C18orf54: variants seen among roughly 807,000 people sequenced by gnomAD.
C18orf54 encodes the protein lung adenoma susceptibility protein 2.
A neutral mutation model predicts 49.3 loss-of-function variants in C18orf54; 49 were observed. The observed-to-expected ratio is 0.99, with a 90% CI of 0.79 to 1.26. C18orf54 has a LOEUF of 1.26. C18orf54 is among the 50% of genes most tolerant of loss of function. C18orf54 has a pLI of 0.00. For synonymous variants in C18orf54, 211 were observed against 216.6 expected (o/e 0.97, Z 0.23); for missense variants, 687 against 620.6 (o/e 1.11, Z -1.14).
In C18orf54 at chr18:54,361,031, T is replaced by G. The variant is rs113962319; in HGVS notation, c.283+176T>G. 3.6e-3 allele frequency among the ~76,000 whole-genome samples: 553 copies of G among 152,346 alleles called. 6 individuals are homozygous for G. Among genetic ancestry groups the G allele is most frequent in the African/African-American group, 0.012 (501 of 41,588 alleles). On this transcript the variant is annotated intron_variant, in intron 3 of 8. Transcript: ENST00000620105. The stretch of plus-strand genomic sequence containing the variant: ...TATAATTCTCTGTGGAACAGTAATA[T>G]TCACAAGATGTTAAGAGTTTGTCCA...
chr18:54,361,251 G>C (rs545967991), intron 3 of C18orf54, among the ~76,000 whole-genome samples: 14 of 152,238 alleles, frequency 9.2e-5, no homozygotes, highest in Admixed American at 2.6e-4. Flanking sequence ...CCATTGAAGG[G>C]TTTGTAGGTG....
intron 6 of C18orf54, among the ~76,000 whole-genome samples, chr18:54,370,770 A>G (rs1373841470): frequency 2.0e-5 from 3 of 152,170 alleles, no homozygotes; most frequent in South Asian, 2.1e-4. Flanking sequence ...ATGAAAAGTC[A>G]CTTAGCTCAG....
rs747257739 is a variant in C18orf54, at chr18:54,361,712, T to C, written c.353T>C (p.Ile118Thr). 2 of 1,614,000 alleles carry C rather than the reference T, an allele frequency of 1.2e-6. No individual in the cohort carries two copies. Among genetic ancestry groups the C allele is most frequent in the African/African-American group, 1.3e-5 (1 of 75,034 alleles). Residue 118 changes from isoleucine (I) to threonine (T), a missense_variant, in exon 4 of 9, where the codon ATA becomes ACA. Ile to Thr is a moderately conservative substitution (Grantham distance 89, BLOSUM62 -1). Transcript: ENST00000620105. ...TGTAGAAGACACACCGTTAATGACA[T>C]AGACTCCATGAGCCTAACAACTGAT... ...ISCRRHTVND[I>T]DSMSLTTDDL...
At chr18:54,363,832 G>A (rs1050074684) in intron 5 of C18orf54, 1 of 149,974 alleles carries the variant, frequency 6.7e-6, no homozygotes, top group African/African-American at 2.5e-5. Flanking sequence ...TTTATTCTCA[G>A]TTGATTGTCT....
intron 6 of C18orf54, among the ~76,000 whole-genome samples, chr18:54,371,663 A>G (rs2089488305): frequency 6.6e-6 from 1 of 152,244 alleles, no homozygotes; most frequent in Admixed American, 6.5e-5. Context: ...CTTTTTAACC[A>G]TACTGCTTAC....
rs553155871 is a variant in C18orf54 at position 54,368,584 on chromosome 18, A to T, written c.1326+2763A>T. On this transcript the variant is annotated intron_variant, in intron 6 of 8. Coordinates refer to ENST00000620105, the MANE Select transcript of C18orf54 (RefSeq NM_001288980.2). ...AGTTAATGCAGTAATAGTAATATAT[A>T]ATAAAGATATAATATGTAAAAACTG... Among the ~76,000 whole-genome samples the T allele has an allele frequency of 1.4e-3, 212 of 152,118 alleles. 1 individual carries two copies. Among genetic ancestry groups the T allele is most frequent in the African/African-American group, 4.9e-3 (205 of 41,538 alleles).
Position 54,361,923 on chromosome 18 carries a change from C to G in C18orf54, c.564C>G (p.Arg188=), listed in dbSNP as rs192378063. Residue 188 remains arginine (R), a synonymous_variant, in exon 4 of 9, where the codon CGC becomes CGG. Coordinates refer to ENST00000620105, the MANE Select transcript of C18orf54 (RefSeq NM_001288980.2). The part of the protein sequence containing the change: ...GKDNFVTPVI[R]SNINGKQCGR... Reference sequence around the variant, plus strand: ...ATAACTTTGTTACTCCTGTTATACGCTCAAATATAAATGGAAAGCAATGTG... The same window carrying G: ...ATAACTTTGTTACTCCTGTTATACGGTCAAATATAAATGGAAAGCAATGTG... 1 of 1,614,118 alleles carries G rather than the reference C, an allele frequency of 6.2e-7. No individual in the cohort carries two copies. The highest frequency in any genetic ancestry group is 2.2e-5 in the East Asian group (1 of 44,870).
chr18:54,371,100 T>C (rs2089479500), intron 6 of C18orf54, among the ~76,000 whole-genome samples: 1 of 152,126 alleles, frequency 6.6e-6, no homozygotes, highest in South Asian at 2.1e-4. Flanking sequence ...CACCAGAACT[T>C]TATCTTCTCA....
rs551773905 is a variant in C18orf54 at position 54,378,003 on chromosome 18, A to G, written c.1530-171A>G. 2.9e-3 allele frequency among the ~76,000 whole-genome samples: 448 copies of G among 152,304 alleles called. 3 individuals are homozygous for G. Among genetic ancestry groups the G allele is most frequent in the African/African-American group, 5.6e-3 (233 of 41,576 alleles). ...TTTAGATAAATTATTTTAACCCTCA[A>G]TTATTCAGATCTCAAGGTTTTATAA... On this transcript the variant is annotated intron_variant, in intron 8 of 8. Transcript: ENST00000620105.
Position 54,378,218 on chromosome 18 carries a change from C to A in C18orf54, c.1574C>A (p.Thr525Lys), listed in dbSNP as rs778781471. Reference sequence around the variant, plus strand: ...CGCCTGAGAGACCTGGTTGATGATACGAATGGAGAACGGTCACCGAAAATG... The same window carrying A: ...CGCCTGAGAGACCTGGTTGATGATAAGAATGGAGAACGGTCACCGAAAATG... ...LSRLRDLVDD[T>K]NGERSPKM The change falls in exon 9 of 9, where the codon ACG becomes AAG. Residue 525 changes from threonine to lysine, a missense_variant. Thr to Lys is a moderately conservative substitution (Grantham distance 78, BLOSUM62 -1). Coordinates refer to ENST00000620105, the MANE Select transcript of C18orf54 (RefSeq NM_001288980.2). 5 of 1,613,240 alleles carry A rather than the reference C, an allele frequency of 3.1e-6. No homozygotes were observed. The South Asian group carries it at 5.5e-5, about 18-fold the overall frequency.
chr18:54,371,055 C>T (rs1280870512), intron 6 of C18orf54, among the ~76,000 whole-genome samples: 1 of 151,674 alleles, frequency 6.6e-6, no homozygotes, highest in African/African-American at 2.4e-5. Flanking sequence ...GCATTAAGTA[C>T]CTTCACATTG....
intron 7 of C18orf54, among the ~76,000 whole-genome samples, chr18:54,373,925 A>G (rs943965924): frequency 5.3e-5 from 8 of 151,854 alleles, no homozygotes; most frequent in Admixed American, 3.3e-4. Context: ...CTCTCATTCT[A>G]AACATCATTG....
chr18:54,359,271 A>C (rs759738421), intron 2 of C18orf54, among the ~76,000 whole-genome samples: 4 of 152,224 alleles, frequency 2.6e-5, no homozygotes, highest in Non-Finnish European at 4.4e-5. Flanking sequence ...AATTTACTTG[A>C]GTGAGTTTAA....
Position 54,362,372 on chromosome 18 carries a change from A to T in C18orf54, c.1013A>T (p.His338Leu). 6.5e-7 allele frequency: 1 copy of T among 1,535,208 alleles called. No homozygotes were observed. The highest frequency in any genetic ancestry group is 1.2e-5 in the South Asian group (1 of 83,898). Residue 338 changes from histidine (H) to leucine (L), a missense_variant, in exon 4 of 9, where the codon CAT (histidine) becomes CTT (leucine). By Grantham distance (99) the His-to-Leu change is moderately conservative (BLOSUM62 -3). Transcript: ENST00000620105. ...AATGAATACAAATGTGATTTTGAAC[A>T]TAGCCAGTGTCAATGTGAGAATCCA... is the stretch of plus-strand genomic sequence containing the variant. ...LVNEYKCDFE[H>L]SQCQCENPLL... is the part of the protein sequence containing the mutation.
At chr18:54,374,368 G>C in intron 8 of C18orf54, 84 bp downstream of exon 8, 2 of 1,393,714 alleles carry the variant, frequency 1.4e-6, no homozygotes, top group Non-Finnish European at 9.5e-7. Context: ...GAAGTAAGTA[G>C]TTTTAAGAGT....
Position 54,360,820 on chromosome 18 carries a change from C to T in C18orf54, c.248C>T (p.Ser83Leu), listed in dbSNP as rs2089254108. ...INIDEDFTNMSQFCNYIYKPN... is the reference protein window; with the variant it reads ...INIDEDFTNMLQFCNYIYKPN... ...ATTGATGAGGATTTTACTAATATGT[C>T]ACAGTTCTGCAACTATATTTACAAA... The change falls in exon 3 of 9, where the codon TCA (serine) becomes TTA (leucine). Residue 83 changes from serine (S) to leucine (L), a missense_variant. Transcript: ENST00000620105. The T allele has an allele frequency of 6.2e-7, 1 of 1,612,616 alleles. No homozygotes were observed. Among genetic ancestry groups the T allele is most frequent in the African/African-American group, 1.3e-5 (1 of 75,012 alleles).
At chr18:54,373,242 T>A (rs1435079025) in intron 7 of C18orf54, among the ~76,000 whole-genome samples, 2 of 151,802 alleles carry the variant, frequency 1.3e-5, no homozygotes, top group African/African-American at 4.8e-5. Flanking sequence ...AAGTGCAATA[T>A]TTGTGCAAAT....
rs1225718690 is a variant in C18orf54 at position 54,362,784 on chromosome 18, A to G, written c.1086A>G (p.Glu362=). ...TTTTACAATTAGGTGACAAAATTGA[A>G]TTGCTTATCTTGAAGGCCAAGAGAA... ...STKPFSGDKI[E]LLILKAKRNL... Residue 362 remains glutamate, a synonymous_variant, in exon 5 of 9, where the codon GAA becomes GAG. Coordinates refer to ENST00000620105, the MANE Select transcript of C18orf54 (RefSeq NM_001288980.2). 1 of 1,603,528 alleles carries G rather than the reference A, an allele frequency of 6.2e-7. No individual in the cohort carries two copies. Among genetic ancestry groups the G allele is most frequent in the Non-Finnish European group, 8.5e-7 (1 of 1,177,794 alleles).
intron 2 of C18orf54, among the ~76,000 whole-genome samples, chr18:54,360,278 C>T (rs1363716804): frequency 6.6e-6 from 1 of 152,064 alleles, no homozygotes; most frequent in Non-Finnish European, 1.5e-5. Context: ...CATGTATATT[C>T]TCAGATAATT....
Sources: allele counts gnomAD v4.1 joint callset (sites outside exome capture counted in the v4.1 genomes callset), GRCh38; gene constraint gnomAD v4.1.1; transcripts MANE v1.5; gene names NCBI Gene and HGNC (gene_info 2026-07-23, HGNC 2026-07-21).